The following PALM2AKAP2 variants were observed in gnomAD, a reference collection of about 807,000 sequenced individuals.
PALM2AKAP2 encodes PALM2-AKAP2 fusion protein.
Under a neutral mutation model 71.5 loss-of-function variants are expected in PALM2AKAP2, and 37 were observed. The observed-to-expected ratio is 0.52, with a 90% CI of 0.40 to 0.68. The LOEUF is 0.68. PALM2AKAP2 is among the 30% of genes least tolerant of loss of function. The pLI is 0.00. For synonymous variants in PALM2AKAP2, 468 were observed against 478.8 expected (o/e 0.98, Z 0.29); for missense variants, 1,224 against 1,191.8 (o/e 1.03, Z -0.40).
At chr9:110,023,138 C>T (rs1446999386) in intron 7 of PALM2AKAP2, among the ~76,000 whole-genome samples, 6 of 150,560 alleles carry the variant, frequency 4.0e-5, no homozygotes, top group African/African-American at 1.2e-4. Context: ...GTTCTAGATC[C>T]CTGAGGAATC....
intron 1 of PALM2AKAP2, among the ~76,000 whole-genome samples, chr9:109,732,530 A>G (rs888556939): frequency 1.3e-5 from 2 of 152,316 alleles, no homozygotes; most frequent in East Asian, 3.9e-4. Flanking sequence ...GTGGGCACGC[A>G]AGGTTAGACT....
At chr9:109,706,167 C>T (rs1828141091) in intron 1 of PALM2AKAP2, among the ~76,000 whole-genome samples, 1 of 152,084 alleles carries the variant, frequency 6.6e-6, no homozygotes, top group Non-Finnish European at 1.5e-5. Flanking sequence ...GAGATATGTT[C>T]AAGATGTAAT....
exon 4 of PALM2AKAP2, chr9:110,168,430 A>G: frequency 6.2e-7 from 1 of 1,614,188 alleles, no homozygotes; most frequent in South Asian, 1.1e-5. Context: ...AATCGAAGAA[A>G]GAGCGCACTG....
chr9:109,874,631 T>A (rs556471158), intron 2 of PALM2AKAP2, among the ~76,000 whole-genome samples: 1 of 152,338 alleles, frequency 6.6e-6, no homozygotes, highest in South Asian at 2.1e-4. Context: ...CATGTTCAAC[T>A]GCTTTTCTGA....
chr9:109,841,537 T>G (rs1032105762), intron 1 of PALM2AKAP2, among the ~76,000 whole-genome samples: 49 of 19,568 alleles, frequency 2.5e-3, no homozygotes, highest in East Asian at 3.4e-3. Context: ...AGAAAAAGGG[T>G]GGAGAGATGG....
At chr9:109,903,685 C>T (rs1361862741) in intron 3 of PALM2AKAP2, among the ~76,000 whole-genome samples, 1 of 152,168 alleles carries the variant, frequency 6.6e-6, no homozygotes, top group Non-Finnish European at 1.5e-5. Context: ...CCTAAATTCC[C>T]ACATGTGCTA....
intron 1 of PALM2AKAP2, among the ~76,000 whole-genome samples, chr9:109,805,272 G>C (rs1827540901): frequency 6.6e-6 from 1 of 152,192 alleles, no homozygotes; most frequent in Non-Finnish European, 1.5e-5. Flanking sequence ...AGAGAAAACA[G>C]GGAATCACTC....
chr9:109,925,020 C>T, intron 4 of PALM2AKAP2, 41 bp from the exon 5 acceptor site: 1 of 1,613,980 alleles, frequency 6.2e-7, no homozygotes, highest in Non-Finnish European at 8.5e-7. Context: ...ATTGTACCCC[C>T]ACATGTAGAG....
At chr9:110,064,208 C>A (rs1341497847) in intron 1 of PALM2AKAP2, among the ~76,000 whole-genome samples, 2 of 152,102 alleles carry the variant, frequency 1.3e-5, no homozygotes, top group Non-Finnish European at 2.9e-5. Context: ...TGGCTGCCTA[C>A]CTAAGGAGGA....
intron 3 of PALM2AKAP2, among the ~76,000 whole-genome samples, chr9:109,899,681 G>T (rs1830286050): frequency 1.3e-5 from 2 of 152,056 alleles, no homozygotes; most frequent in South Asian, 4.1e-4. Context: ...TCATTCCATT[G>T]CTGACCACTC....
rs139243329 is a variant in PALM2AKAP2, at chr9:109,915,983, G to T, written c.258-7752G>T. On this transcript the variant is annotated intron_variant, in intron 3 of 9. Transcript: ENST00000302798. Reference sequence around the variant, plus strand: ...TTTTGAGATGGAATCTTGCACTGTCGCCCAGGCTAGAGTGAAATGGCATGA... The same window carrying T: ...TTTTGAGATGGAATCTTGCACTGTCTCCCAGGCTAGAGTGAAATGGCATGA... Among the ~76,000 whole-genome samples the T allele has an allele frequency of 2.4e-3, 364 of 151,586 alleles. 1 individual carries two copies. Among genetic ancestry groups the T allele is most frequent in the African/African-American group, 8.3e-3 (342 of 41,310 alleles).
intron 1 of PALM2AKAP2, among the ~76,000 whole-genome samples, chr9:109,707,937 G>A (rs996603506): frequency 6.6e-6 from 1 of 152,120 alleles, no homozygotes; most frequent in Non-Finnish European, 1.5e-5. Flanking sequence ...GAAATGAATA[G>A]CTTGTAGATT....
chr9:110,064,493 G>C (rs1311477102), intron 1 of PALM2AKAP2, among the ~76,000 whole-genome samples: 6 of 152,206 alleles, frequency 3.9e-5, no homozygotes, highest in Non-Finnish European at 7.3e-5. Flanking sequence ...TGTAATCCCA[G>C]AACATTGGAA....
At chr9:109,757,913 A>G (rs185158355) in intron 1 of PALM2AKAP2, among the ~76,000 whole-genome samples, 1 of 152,056 alleles carries the variant, frequency 6.6e-6, no homozygotes, top group African/African-American at 2.4e-5. Flanking sequence ...TCAAGAAGGT[A>G]ATATATTCTC....
chr9:110,094,609 A>C (rs1834791986), intron 1 of PALM2AKAP2, among the ~76,000 whole-genome samples: 1 of 151,062 alleles, frequency 6.6e-6, no homozygotes, highest in Non-Finnish European at 1.5e-5. Context: ...GGGAGGTGCT[A>C]CATACTTTTA....
chr9:109,644,757 CA>C (rs138802600), intron 1 of PALM2AKAP2, among the ~76,000 whole-genome samples: 13,714 of 152,212 alleles, frequency 0.09, 701 homozygotes, highest in African/African-American at 0.15. Context: ...CAAAGTTCCA[CA>C]AATCTCTAGG....
chr9:110,076,114 T>G (rs966735959), intron 1 of PALM2AKAP2, among the ~76,000 whole-genome samples: 48 of 152,128 alleles, frequency 3.2e-4, no homozygotes, highest in African/African-American at 1.1e-3. Context: ...TGGATCACAC[T>G]TTGTATTTTG....
chr9:110,031,148 G>A (rs1255965737), intron 7 of PALM2AKAP2, among the ~76,000 whole-genome samples: 5 of 152,006 alleles, frequency 3.3e-5, no homozygotes, highest in Non-Finnish European at 7.4e-5. Flanking sequence ...TTTGAGACAG[G>A]GTCTCACCTT....
At chr9:110,071,793 G>A (rs998783499) in intron 1 of PALM2AKAP2, among the ~76,000 whole-genome samples, 1 of 152,110 alleles carries the variant, frequency 6.6e-6, no homozygotes, top group African/African-American at 2.4e-5. Flanking sequence ...TGAGTGATAG[G>A]AGCCTGAGGG....
Sources: gnomAD v4.1 joint callset for allele counts (sites outside exome capture counted in the v4.1 genomes callset) on GRCh38, gnomAD v4.1.1 for gene constraint, MANE v1.5 for transcripts, NCBI Gene and HGNC (gene_info 2026-07-23, HGNC 2026-07-21) for gene names.